CAMTA1: variants seen among roughly 807,000 people sequenced by gnomAD.
CAMTA1 encodes the protein calmodulin-binding transcription activator 1.
CAMTA1 carries 27 observed loss-of-function variants against 170.9 expected under a neutral mutation model. That is an observed-to-expected ratio of 0.16 (90% CI 0.12 to 0.22). The LOEUF (loss-of-function observed/expected upper bound fraction) is 0.22. CAMTA1 is among the 10% of genes least tolerant of loss of function. The pLI, the probability that CAMTA1 is intolerant of heterozygous loss-of-function variation, is 1.00. For missense variants in CAMTA1, 1,619 were observed against 2,217.2 expected (o/e 0.73, Z 5.42); for synonymous variants, 833 against 891.5 (o/e 0.93, Z 1.17).
intron 3 of CAMTA1, among the ~76,000 whole-genome samples, chr1:6,972,722 A>G (rs537589349): frequency 6.6e-5 from 10 of 152,290 alleles, no homozygotes; most frequent in Non-Finnish European, 1.5e-4. Flanking sequence ...GAGTCAGTGT[A>G]GACGTCTTTC....
intron 6 of CAMTA1, among the ~76,000 whole-genome samples, chr1:7,591,400 C>T (rs2095354261): frequency 6.6e-6 from 1 of 152,170 alleles, no homozygotes; most frequent in South Asian, 2.1e-4. Context: ...TGTGGTTGCA[C>T]AGAGGGAATT....
intron 6 of CAMTA1, among the ~76,000 whole-genome samples, chr1:7,484,133 G>A (rs1353408100): frequency 2.0e-5 from 3 of 152,196 alleles, no homozygotes; most frequent in East Asian, 1.9e-4. Flanking sequence ...GTGGCCTGGG[G>A]CCGCAGGGCC....
intron 5 of CAMTA1, among the ~76,000 whole-genome samples, chr1:7,459,546 G>A (rs1283569760): frequency 1.3e-5 from 2 of 152,152 alleles, no homozygotes; most frequent in Non-Finnish European, 2.9e-5. Flanking sequence ...GACAGGAAAG[G>A]AACCACATTT....
intron 3 of CAMTA1, among the ~76,000 whole-genome samples, chr1:6,831,359 TTAA>T (rs1650073974): frequency 6.6e-6 from 1 of 152,248 alleles, no homozygotes; most frequent in African/African-American, 2.4e-5. Context: ...TTTCTGCATT[TTAA>T]GTTAGTATTT....
chr1:7,279,003 G>A (rs911996992), intron 5 of CAMTA1, among the ~76,000 whole-genome samples: 3 of 152,082 alleles, frequency 2.0e-5, no homozygotes, highest in Non-Finnish European at 4.4e-5. Context: ...GAGGAGAAGG[G>A]GAAGGCATTT....
intron 5 of CAMTA1, among the ~76,000 whole-genome samples, chr1:7,436,872 T>A (rs2092365084): frequency 2.0e-5 from 3 of 151,894 alleles, no homozygotes; most frequent in African/African-American, 7.3e-5. Flanking sequence ...GTGTGGGATG[T>A]AAAGAGGTAA....
chr1:7,342,120 G>A (rs1014499526), intron 5 of CAMTA1, among the ~76,000 whole-genome samples: 6 of 152,164 alleles, frequency 3.9e-5, no homozygotes, highest in African/African-American at 1.2e-4. Context: ...AAAATAAATG[G>A]GCATGGTCTC....
intron 3 of CAMTA1, among the ~76,000 whole-genome samples, chr1:6,941,289 T>C (rs895432426): frequency 1.6e-4 from 25 of 152,246 alleles, no homozygotes; most frequent in South Asian, 8.3e-4. Flanking sequence ...TAGGACACCA[T>C]TGGGAGACCG....
chr1:7,666,670 T>A (rs1226050887), intron 9 of CAMTA1, among the ~76,000 whole-genome samples: 1 of 152,194 alleles, frequency 6.6e-6, no homozygotes. Flanking sequence ...GGGAGGTGGC[T>A]GCCCACGGCC....
At chr1:6,884,796 T>G (rs1672718843) in intron 3 of CAMTA1, among the ~76,000 whole-genome samples, 1 of 152,222 alleles carries the variant, frequency 6.6e-6, no homozygotes, top group Non-Finnish European at 1.5e-5. Flanking sequence ...GTCTAAGCAG[T>G]CTAGAGCATG....
At chr1:7,461,197 G>C (rs1206196256) in intron 5 of CAMTA1, among the ~76,000 whole-genome samples, 1 of 152,178 alleles carries the variant, frequency 6.6e-6, no homozygotes, top group Non-Finnish European at 1.5e-5. Context: ...ATCTTCCCTG[G>C]TTGATTCAGG....
Position 7,633,632 on chromosome 1 carries a change from G to A in CAMTA1, c.511-6768G>A, listed in dbSNP as rs766183609. ...CCCAGCCAAGGCCAGGTGCCCCCTA[G>A]CAGGCTTGTTGGCCCGTGTGCTGGA... On this transcript the variant is annotated intron_variant, in intron 6 of 22. Transcript: ENST00000303635. The surrounding 1 kb of genome is among the most constrained non-coding windows in gnomAD (Gnocchi z 4.1). Among the ~76,000 whole-genome samples, 48 of 152,324 alleles carry A rather than the reference G, an allele frequency of 3.2e-4. No individual in the cohort carries two copies. Among genetic ancestry groups the A allele is most frequent in the Non-Finnish European group, 6.3e-4 (43 of 68,026 alleles).
intron 3 of CAMTA1, among the ~76,000 whole-genome samples, chr1:6,831,026 G>A (rs1649863360): frequency 1.3e-5 from 2 of 151,416 alleles, no homozygotes; most frequent in Non-Finnish European, 2.9e-5. Flanking sequence ...CACCGTGTTG[G>A]CCAGGATGGT....
intron 3 of CAMTA1, among the ~76,000 whole-genome samples, chr1:6,863,063 C>T (rs1290479833): frequency 1.3e-5 from 2 of 152,166 alleles, no homozygotes; most frequent in Non-Finnish European, 2.9e-5. Flanking sequence ...TCAAAGTATA[C>T]AATGTAATTT....
intron 4 of CAMTA1, among the ~76,000 whole-genome samples, chr1:7,160,682 T>G (rs1418351432): frequency 6.6e-6 from 1 of 152,222 alleles, no homozygotes; most frequent in Non-Finnish European, 1.5e-5. Context: ...CATCTATTTT[T>G]ATGGATTTTG....
chr1:7,272,994 C>T (rs1055351505), intron 5 of CAMTA1, among the ~76,000 whole-genome samples: 6 of 152,000 alleles, frequency 3.9e-5, no homozygotes, highest in South Asian at 2.1e-4. Context: ...AATTAACACA[C>T]GAAAATATAT....
At chr1:7,388,415 C>T (rs1445109143) in intron 5 of CAMTA1, 2 of 152,268 alleles carry the variant, frequency 1.3e-5, no homozygotes, top group African/African-American at 2.4e-5. Flanking sequence ...ATCCTCTGAC[C>T]GTGAGCCTTC....
intron 4 of CAMTA1, among the ~76,000 whole-genome samples, chr1:7,097,417 G>A (rs890401479): frequency 2.6e-5 from 4 of 152,178 alleles, no homozygotes; most frequent in Non-Finnish European, 5.9e-5. Context: ...TTGGGGTCCC[G>A]GCATGGTGCC....
At chr1:7,133,226 T>C (rs1361842540) in intron 4 of CAMTA1, among the ~76,000 whole-genome samples, 1 of 152,218 alleles carries the variant, frequency 6.6e-6, no homozygotes, top group Non-Finnish European at 1.5e-5. Flanking sequence ...TGGAATTTTC[T>C]TTGTGCACAA....
Sources: allele counts gnomAD v4.1 joint callset (sites outside exome capture counted in the v4.1 genomes callset), GRCh38; gene constraint gnomAD v4.1.1; non-coding constraint Gnocchi (gnomAD v3.1); transcripts MANE v1.5; gene names NCBI Gene and HGNC (gene_info 2026-07-23, HGNC 2026-07-21).